The following AKAP6 variants were observed in gnomAD, a reference collection of about 807,000 sequenced individuals.
AKAP6 encodes the protein A-kinase anchor protein 6.
AKAP6 carries 58 observed loss-of-function variants against 188.5 expected under a neutral mutation model. The ratio of observed to expected loss-of-function variants is 0.31; its 90% confidence interval spans 0.25 to 0.38. AKAP6 has a LOEUF of 0.38. Among genes scored for constraint, AKAP6 ranks in the 10% least tolerant of loss-of-function variants. The pLI, the probability that AKAP6 is intolerant of heterozygous loss-of-function variation, is 1.00. For missense variants in AKAP6, 2,710 were observed against 2,740.0 expected, an observed-to-expected ratio of 0.99 and a Z score of 0.24; for synonymous variants, 989 against 998.6, an observed-to-expected ratio of 0.99 and a Z score of 0.18.
intron 8 of AKAP6, among the ~76,000 whole-genome samples, chr14:32,690,073 A>G (rs1224186927): frequency 1.6e-5 from 2 of 127,788 alleles, no homozygotes; most frequent in African/African-American, 6.5e-5. Context: ...AAGTGCCCCA[A>G]AATACACACA....
chr14:32,510,161 C>T (rs774328906), intron 2 of AKAP6, among the ~76,000 whole-genome samples: 1 of 151,622 alleles, frequency 6.6e-6, no homozygotes, highest in Non-Finnish European at 1.5e-5. Flanking sequence ...GTTATTTTTT[C>T]CTCCCTCTGC....
chr14:32,499,682 C>T (rs1880507453), intron 2 of AKAP6, among the ~76,000 whole-genome samples: 1 of 151,584 alleles, frequency 6.6e-6, no homozygotes, highest in Non-Finnish European at 1.5e-5. Context: ...GAGATATTTA[C>T]ATAATATTTA....
intron 7 of AKAP6, among the ~76,000 whole-genome samples, chr14:32,649,018 ATAAT>A (rs1480130549): frequency 6.6e-6 from 1 of 152,190 alleles, no homozygotes; most frequent in African/African-American, 2.4e-5. Context: ...GGATTTCAAA[ATAAT>A]TAATCAAACA....
At position 32,418,621 on chromosome 14, in the gene AKAP6, G is replaced by A. The variant is rs114084080; in HGVS notation, c.-34-14839G>A. Among the ~76,000 whole-genome samples the A allele has an allele frequency of 8.0e-3, 1,220 of 152,250 alleles. 19 individuals carry two copies. Among genetic ancestry groups the A allele is most frequent in the African/African-American group, 0.028 (1,161 of 41,536 alleles). On this transcript the variant is annotated intron_variant, in intron 1 of 13. Coordinates refer to ENST00000280979, the MANE Select transcript of AKAP6 (RefSeq NM_004274.5). ...AAAAATCTTGTTTCTGTCTTTGCTGGATGGAAGAGTTGGCAAAGTATCTGG... is the reference window on the plus strand; with the variant it reads ...AAAAATCTTGTTTCTGTCTTTGCTGAATGGAAGAGTTGGCAAAGTATCTGG...
At chr14:32,444,357 G>A (rs1321591333) in intron 2 of AKAP6, among the ~76,000 whole-genome samples, 10 of 152,138 alleles carry the variant, frequency 6.6e-5, no homozygotes, top group Admixed American at 6.5e-4. Flanking sequence ...CTCTCGTCAC[G>A]CTCAAACTGA....
chr14:32,656,556 A>C (rs1339668190), intron 7 of AKAP6, among the ~76,000 whole-genome samples: 1 of 152,132 alleles, frequency 6.6e-6, no homozygotes, highest in Non-Finnish European at 1.5e-5. Context: ...ATTTTAGTGA[A>C]CCCACCAGCT....
intron 12 of AKAP6, among the ~76,000 whole-genome samples, chr14:32,818,242 A>G (rs1348186194): frequency 6.6e-6 from 1 of 152,210 alleles, no homozygotes; most frequent in Non-Finnish European, 1.5e-5. Flanking sequence ...CAGAGAGTTA[A>G]TAAAAGAACA....
At position 32,568,581 on chromosome 14, in the gene AKAP6, C is replaced by T. The variant is rs919312106; in HGVS notation, c.2347-8539C>T. Among the ~76,000 whole-genome samples the T allele has an allele frequency of 6.6e-6, 1 of 152,106 alleles. No homozygotes were observed. Among genetic ancestry groups the T allele is most frequent in the Non-Finnish European group, 1.5e-5 (1 of 68,026 alleles). The stretch of plus-strand genomic sequence containing the variant: ...GATAAAGATGATCTGATCTGCTTAT[C>T]CAGTGTCTTGGAGGATTGGGGGTGC... On this transcript the variant is annotated intron_variant, in intron 4 of 13. Coordinates refer to ENST00000280979, the MANE Select transcript of AKAP6 (RefSeq NM_004274.5). This position sits in a 1 kb window ranked among gnomAD's most constrained non-coding sequence, Gnocchi z 6.2.
chr14:32,492,383 G>GAGAGAGAGAGAGAGAGAGA (rs1566537012), intron 2 of AKAP6, among the ~76,000 whole-genome samples: 4 of 141,478 alleles, frequency 2.8e-5, no homozygotes, highest in African/African-American at 1.0e-4. Context: ...GAGAGAGAGA[G>GAGAGAGAGAGAGAGAGAGA]GCATTTGGAT....
At chr14:32,346,261 C>A (rs1421012486) in intron 1 of AKAP6, among the ~76,000 whole-genome samples, 1 of 152,092 alleles carries the variant, frequency 6.6e-6, no homozygotes, top group African/African-American at 2.4e-5. Flanking sequence ...GCCCTGTTTT[C>A]AGGGAGCTAA....
chr14:32,366,162 C>T (rs998075089), intron 1 of AKAP6, among the ~76,000 whole-genome samples: 1 of 152,140 alleles, frequency 6.6e-6, no homozygotes, highest in Non-Finnish European at 1.5e-5. Context: ...TTGTTTGCAC[C>T]CCCTCCATGA....
intron 1 of AKAP6, among the ~76,000 whole-genome samples, chr14:32,347,876 G>T (rs907194553): frequency 6.6e-6 from 1 of 152,240 alleles, no homozygotes; most frequent in African/African-American, 2.4e-5. Flanking sequence ...TTCCTGAGGG[G>T]AGGAAAGACA....
At chr14:32,714,562 C>CT (rs1204162465) in intron 9 of AKAP6, among the ~76,000 whole-genome samples, 1 of 151,950 alleles carries the variant, frequency 6.6e-6, no homozygotes, top group Non-Finnish European at 1.5e-5. Flanking sequence ...TTTCCTTTTA[C>CT]TTTTTTTCAG....
Position 32,546,720 on chromosome 14 carries a change from G to A in AKAP6, c.2067G>A (p.Lys689=), listed in dbSNP as rs866509629. The change falls in exon 4 of 14, where the codon AAG becomes AAA. Residue 689 remains lysine (K), a synonymous_variant. Coordinates refer to ENST00000280979, the MANE Select transcript of AKAP6 (RefSeq NM_004274.5). The stretch of plus-strand genomic sequence containing the variant: ...ATCCAACCTATCATGTCAAAAAGAA[G>A]CATACAAGGCTAGGCAGGGTGTCTC... ...EIYPTYHVKK[K]HTRLGRVSPS... 7 of 1,614,104 alleles carry A rather than the reference G, an allele frequency of 4.3e-6. No homozygotes were observed. Among genetic ancestry groups the A allele is most frequent in the Middle Eastern group, 3.3e-4 (2 of 6,062 alleles).
At chr14:32,416,156 C>T (rs1314289719) in intron 1 of AKAP6, among the ~76,000 whole-genome samples, 1 of 152,118 alleles carries the variant, frequency 6.6e-6, no homozygotes, top group African/African-American at 2.4e-5. Context: ...TTTTACATTC[C>T]CACCAACAAT....
chr14:32,821,308 C>G (rs964390809), intron 12 of AKAP6, 94 bp from the exon 13 acceptor site: 1 of 1,409,464 alleles, frequency 7.1e-7, no homozygotes, highest in African/African-American at 1.4e-5. Context: ...GGGCAGTTTT[C>G]TTTCCTGAGT....
chr14:32,577,551 T>TA (rs918830597), intron 5 of AKAP6, among the ~76,000 whole-genome samples: 4 of 152,200 alleles, frequency 2.6e-5, no homozygotes, highest in African/African-American at 9.6e-5. Flanking sequence ...TTCCCTTTCT[T>TA]AAAAACAAAT....
chr14:32,741,886 C>T (rs1011403798), intron 11 of AKAP6, among the ~76,000 whole-genome samples: 1 of 120,386 alleles, frequency 8.3e-6, no homozygotes, highest in Non-Finnish European at 1.6e-5. Context: ...TAATACTGGT[C>T]TCATAGAATG....
chr14:32,653,730 A>G (rs1238938342), intron 7 of AKAP6, among the ~76,000 whole-genome samples: 1 of 152,194 alleles, frequency 6.6e-6, no homozygotes, highest in Non-Finnish European at 1.5e-5. Context: ...GAAGAATACA[A>G]TGAAATCGAG....
Sources: allele counts gnomAD v4.1 joint callset (sites outside exome capture counted in the v4.1 genomes callset), GRCh38; gene constraint gnomAD v4.1.1; non-coding constraint Gnocchi (gnomAD v3.1); transcripts MANE v1.5; gene names NCBI Gene and HGNC (gene_info 2026-07-23, HGNC 2026-07-21).